Variants in CARS1 observed in about 807,000 individuals in gnomAD.
The protein encoded by CARS1 is cysteinyl-tRNA synthetase 1.
Under a neutral mutation model 106.2 loss-of-function variants are expected in CARS1, and 48 were observed. That is an observed-to-expected ratio of 0.45 (90% CI 0.36 to 0.57). The LOEUF is 0.57. CARS1 is among the 20% of genes least tolerant of loss of function. The probability of loss-of-function intolerance (pLI) is 0.00; values close to 1 mark genes in which losing one functional copy is unlikely to be tolerated. For missense variants in CARS1, 968 were observed against 1,057.2 expected, an observed-to-expected ratio of 0.92 and a Z score of 1.17; for synonymous variants, 409 against 403.4, an observed-to-expected ratio of 1.01 and a Z score of -0.17.
Position 3,022,183 on chromosome 11 carries a change from T to G in CARS1, c.1154-1851A>C, listed in dbSNP as rs1225605745. ...GTCACATAGCACGCTGACCACCTGC[T>G]CCACCACTGTTCCTAGCGATAGAAT... is the stretch of plus-strand genomic sequence containing the variant. On this transcript the variant is annotated intron_variant, in intron 10 of 22. Coordinates refer to ENST00000380525, the MANE Select transcript of CARS1 (RefSeq NM_001014437.3). This position sits in a 1 kb window ranked among gnomAD's most constrained non-coding sequence, Gnocchi z 4.9. Among the ~76,000 whole-genome samples, 2 of 152,302 alleles carry G rather than the reference T, an allele frequency of 1.3e-5. No individual in the cohort carries two copies. The highest frequency in any genetic ancestry group is 3.9e-4 in the East Asian group (2 of 5,174).
chr11:3,020,379 A>T lies in CARS1; in HGVS notation c.1154-47T>A, dbSNP rs190569619. The T allele has an allele frequency of 1.2e-4, 134 of 1,156,184 alleles. 1 individual carries two copies. The East Asian group carries it at 3.1e-3, about 26-fold the overall frequency. The allele number at this position is 1,156,184 out of a possible 1,614,324, so 71.6% of individuals were successfully genotyped here. Reference sequence around the variant, plus strand: ...GGCAAGGTCACTCAGCAGCACCCACAGACCCACATGTCTCACTTCAAGGCC... The same window carrying T: ...GGCAAGGTCACTCAGCAGCACCCACTGACCCACATGTCTCACTTCAAGGCC... On this transcript the variant is annotated intron_variant, in intron 10 of 22. Coordinates refer to ENST00000380525, the MANE Select transcript of CARS1 (RefSeq NM_001014437.3). This position sits in a 1 kb window ranked among gnomAD's most constrained non-coding sequence, Gnocchi z 4.6.
rs146105642 is a variant in CARS1 at position 3,045,559 on chromosome 11, G to A, written c.274+2194C>T. 8.7e-4 allele frequency among the ~76,000 whole-genome samples: 133 copies of A among 152,250 alleles called. No individual in the cohort carries two copies. The highest frequency in any genetic ancestry group is 2.1e-3 in the African/African-American group (87 of 41,558). On this transcript the variant is annotated intron_variant, in intron 2 of 22. Coordinates refer to ENST00000380525, the MANE Select transcript of CARS1 (RefSeq NM_001014437.3). This position sits in a 1 kb window ranked among gnomAD's most constrained non-coding sequence, Gnocchi z 5.6. ...GATTACAGGAGTGAGCCACCGCGCC[G>A]GGCCAAGCAGAGTCTTTCCATGTCT...
Position 3,018,186 on chromosome 11 carries a change from A to T in CARS1, c.1629+222T>A. 4.9e-6 allele frequency: 3 copies of T among 610,246 alleles called. No individual in the cohort carries two copies. The East Asian group carries it at 8.2e-5, about 17-fold the overall frequency. The allele number at this position is 610,246 out of a possible 1,614,324, so 37.8% of individuals were successfully genotyped here. ...TACAAGTCAGAAGGACGTGCACTGCAGTGACTAGGAGGACGAGGCCTCTGT... is the reference window on the plus strand; with the variant it reads ...TACAAGTCAGAAGGACGTGCACTGCTGTGACTAGGAGGACGAGGCCTCTGT... On this transcript the variant is annotated intron_variant, in intron 14 of 22. Coordinates refer to ENST00000380525, the MANE Select transcript of CARS1 (RefSeq NM_001014437.3).
chr11:3,047,907 C>G lies in CARS1; in HGVS notation c.120G>C (p.Gly40=). Residue 40 remains glycine, a synonymous_variant, in exon 2 of 23, where the codon GGG becomes GGC. Coordinates refer to ENST00000380525, the MANE Select transcript of CARS1 (RefSeq NM_001014437.3). Reference sequence around the variant, plus strand: ...CCACGTCTGCCTGGGACAGTGAGTACCCCTGGACATAGCTACGCGTGCTGA... The same window carrying G: ...CCACGTCTGCCTGGGACAGTGAGTAGCCCTGGACATAGCTACGCGTGCTGA... ...EHLSTRSYVQ[G]YSLSQADVDA... 6.2e-7 allele frequency: 1 copy of G among 1,614,134 alleles called. No individual in the cohort carries two copies. Among genetic ancestry groups the G allele is most frequent in the Non-Finnish European group, 8.5e-7 (1 of 1,180,030 alleles).
intron 1 of CARS1, among the ~76,000 whole-genome samples, chr11:3,056,268 T>C (rs1487840110): frequency 6.6e-6 from 1 of 152,158 alleles, no homozygotes. Context: ...GGGCTGGAGG[T>C]GTCTTACAAG....
rs1449454701 is a variant in CARS1 at position 3,048,689 on chromosome 11, A to G, written c.26-688T>C. ...TGTGTGCCATTTACACCCCTGCACC[A>G]AGAGACAGCTGGACTCTAGCATGGC... On this transcript the variant is annotated intron_variant, in intron 1 of 22. Coordinates refer to ENST00000380525, the MANE Select transcript of CARS1 (RefSeq NM_001014437.3). The surrounding 1 kb of genome is among the most constrained non-coding windows in gnomAD (Gnocchi z 5.1). 6.6e-6 allele frequency among the ~76,000 whole-genome samples: 1 copy of G among 152,174 alleles called. No homozygotes were observed. Among genetic ancestry groups the G allele is most frequent in the Non-Finnish European group, 1.5e-5 (1 of 68,018 alleles).
chr11:3,014,647 T>C (rs975453618), intron 17 of CARS1, among the ~76,000 whole-genome samples: 33 of 151,982 alleles, frequency 2.2e-4, no homozygotes, highest in Non-Finnish European at 3.7e-4. Context: ...AAAGAAGCTA[T>C]GTGGGTTTTC....
In CARS1 at chr11:3,021,652, A is replaced by G. The variant is rs1303293521; in HGVS notation, c.1154-1320T>C. On this transcript the variant is annotated intron_variant, in intron 10 of 22. Coordinates refer to ENST00000380525, the MANE Select transcript of CARS1 (RefSeq NM_001014437.3). This position sits in a 1 kb window ranked among gnomAD's most constrained non-coding sequence, Gnocchi z 5.3. Reference sequence around the variant, plus strand: ...GAAAACTAGGAAAAAAATTGCCATTATCTTTTAACCTAGGAATTACTACTG... The same window carrying G: ...GAAAACTAGGAAAAAAATTGCCATTGTCTTTTAACCTAGGAATTACTACTG... 6.6e-6 allele frequency among the ~76,000 whole-genome samples: 1 copy of G among 152,270 alleles called. No individual in the cohort carries two copies. The highest frequency in any genetic ancestry group is 1.5e-5 in the Non-Finnish European group (1 of 68,046).
Position 3,020,514 on chromosome 11 carries a change from G to A in CARS1, c.1154-182C>T, listed in dbSNP as rs1467107114. Among the ~76,000 whole-genome samples, 1 of 152,222 alleles carries A rather than the reference G, an allele frequency of 6.6e-6. No individual in the cohort carries two copies. Among genetic ancestry groups the A allele is most frequent in the African/African-American group, 2.4e-5 (1 of 41,462 alleles). ...TACCAGATTCTGGTGTTGACCCAGT[G>A]TCTAGATTTACAAAACGGTACATAA... On this transcript the variant is annotated intron_variant, in intron 10 of 22. Coordinates refer to ENST00000380525, the MANE Select transcript of CARS1 (RefSeq NM_001014437.3). This position sits in a 1 kb window ranked among gnomAD's most constrained non-coding sequence, Gnocchi z 4.6.
rs2134155367 is a variant in CARS1 at position 3,020,270 on chromosome 11, A to G, written c.1216T>C (p.Trp406Arg). ...EKRSPNDFAL[W>R]KASKPGEPSW... is the part of the protein sequence containing the mutation. The stretch of plus-strand genomic sequence containing the variant: ...GGTTCTCCGGGCTTAGAGGCCTTCC[A>G]TAAGGCAAAGTCGTTGGGAGAGCGC... Residue 406 changes from tryptophan (W) to arginine (R), a missense_variant, in exon 11 of 23, where the codon TGG becomes CGG. Trp to Arg is a moderately radical substitution (Grantham distance 101). Transcript: ENST00000380525. The surrounding 1 kb of genome is among the most constrained non-coding windows in gnomAD (Gnocchi z 4.6). 1 of 1,614,012 alleles carries G rather than the reference A, an allele frequency of 6.2e-7. No homozygotes were observed. The highest frequency in any genetic ancestry group is 8.5e-7 in the Non-Finnish European group (1 of 1,179,842).
In CARS1 at chr11:3,048,112, C is replaced by T; in HGVS notation, c.26-111G>A. ...AGAACCAAGGAAAAAGGTGTTCAAG[C>T]CCTTCCCTGGACGCCAAACATCCAG... On this transcript the variant is annotated intron_variant, in intron 1 of 22. Coordinates refer to ENST00000380525, the MANE Select transcript of CARS1 (RefSeq NM_001014437.3). The surrounding 1 kb of genome is among the most constrained non-coding windows in gnomAD (Gnocchi z 5.1). 1 of 1,352,780 alleles carries T rather than the reference C, an allele frequency of 7.4e-7. No individual in the cohort carries two copies. 83.8% of individuals were successfully genotyped at this position (1,352,780 alleles called of 1,614,324 possible).
chr11:3,026,800 G>A lies in CARS1; in HGVS notation c.1032-3C>T, dbSNP rs1477541007. 3 of 1,608,484 alleles carry A rather than the reference G, an allele frequency of 1.9e-6. No individual in the cohort carries two copies. The highest frequency in any genetic ancestry group is 1.3e-5 in the African/African-American group (1 of 74,848). On this transcript the variant is annotated splice_region_variant and splice_polypyrimidine_tract_variant and intron_variant, in intron 9 of 22. Transcript: ENST00000380525. ...AGACAGACCCATTGGAGACATAGCTGGAAAACAGAAAAGGAATTGGGTGGG... is the reference window on the plus strand; with the variant it reads ...AGACAGACCCATTGGAGACATAGCTAGAAAACAGAAAAGGAATTGGGTGGG...
At position 3,057,045 on chromosome 11, in the gene CARS1, G is replaced by A. The variant is rs1204766084; in HGVS notation, c.25+298C>T. ...GCACCCGTTGTCCTTCGGATCCTAGGACGTGCCACCCCTCGAACCTCAGGA... is the reference window on the plus strand; with the variant it reads ...GCACCCGTTGTCCTTCGGATCCTAGAACGTGCCACCCCTCGAACCTCAGGA... On this transcript the variant is annotated intron_variant, in intron 1 of 22. Transcript: ENST00000380525. 2.0e-5 allele frequency among the ~76,000 whole-genome samples: 3 copies of A among 152,054 alleles called. No individual in the cohort carries two copies. In the East Asian group the frequency reaches 5.8e-4, roughly 29 times the overall value.
chr11:3,010,114 C>G (rs1211471867), intron 18 of CARS1, among the ~76,000 whole-genome samples: 3 of 152,246 alleles, frequency 2.0e-5, no homozygotes, highest in East Asian at 3.9e-4. Context: ...AAACAGAAAG[C>G]AAAACCGAAC....
At chr11:3,024,408 C>T (rs1232887280) in intron 10 of CARS1, among the ~76,000 whole-genome samples, 3 of 151,942 alleles carry the variant, frequency 2.0e-5, no homozygotes, top group Admixed American at 6.6e-5. Flanking sequence ...TTTAGACGTC[C>T]GTCCTGTCAG....
At chr11:3,001,911 CCA>C (rs1402113324) in intron 22 of CARS1, 57 bp downstream of exon 22, 1 of 1,283,574 alleles carries the variant, frequency 7.8e-7, no homozygotes, top group African/African-American at 1.5e-5. Context: ...TCCTGTCCTC[CCA>C]CTTTAATGTG....
rs779885569 is a variant in CARS1, at chr11:3,028,469, C to T, written c.1031+527G>A. Reference sequence around the variant, plus strand: ...TCCCTACACACTACAGACAGATAACCGGGTTCCTGTCTGCATTTCCATTTG... The same window carrying T: ...TCCCTACACACTACAGACAGATAACTGGGTTCCTGTCTGCATTTCCATTTG... On this transcript the variant is annotated intron_variant, in intron 9 of 22. Coordinates refer to ENST00000380525, the MANE Select transcript of CARS1 (RefSeq NM_001014437.3). The surrounding 1 kb of genome is among the most constrained non-coding windows in gnomAD (Gnocchi z 4.4). 16 of 205,712 alleles carry T rather than the reference C, an allele frequency of 7.8e-5. No homozygotes were observed. Among genetic ancestry groups the T allele is most frequent in the African/African-American group, 1.9e-4 (8 of 42,538 alleles). The allele number at this position is 205,712 out of a possible 1,614,324, so 12.7% of individuals were successfully genotyped here. A position where few individuals can be genotyped will look rare whatever the true frequency, so the allele number is the denominator to read the frequency against.
intron 18 of CARS1, among the ~76,000 whole-genome samples, 166 bp downstream of exon 18, chr11:3,012,029 T>C (rs1045172126): frequency 6.6e-6 from 1 of 152,224 alleles, no homozygotes; most frequent in African/African-American, 2.4e-5. Context: ...CTAATGCACC[T>C]GGTGGGTCCA....
In CARS1 at chr11:3,046,376, A is replaced by G. The variant is rs1235420920; in HGVS notation, c.274+1377T>C. Among the ~76,000 whole-genome samples the G allele has an allele frequency of 6.6e-6, 1 of 152,074 alleles. No homozygotes were observed. The highest frequency in any genetic ancestry group is 2.4e-5 in the African/African-American group (1 of 41,400). On this transcript the variant is annotated intron_variant, in intron 2 of 22. Coordinates refer to ENST00000380525, the MANE Select transcript of CARS1 (RefSeq NM_001014437.3). This position sits in a 1 kb window ranked among gnomAD's most constrained non-coding sequence, Gnocchi z 5.8. ...TGGAATGGCACATGGCAGGGGGAAC[A>G]ACCTGACACCCGAGCCCTTGGAGAG...
Sources: gnomAD v4.1 joint callset for allele counts (sites outside exome capture counted in the v4.1 genomes callset) on GRCh38, gnomAD v4.1.1 for gene constraint, Gnocchi (gnomAD v3.1) non-coding constraint, MANE v1.5 for transcripts, NCBI Gene and HGNC (gene_info 2026-07-23, HGNC 2026-07-21) for gene names.